The following ART3 variants were observed in gnomAD, a reference collection of about 807,000 sequenced individuals.
ART3 encodes ecto-ADP-ribosyltransferase 3.
ART3 carries 49 observed loss-of-function variants against 48.5 expected under a neutral mutation model. The ratio of observed to expected loss-of-function variants is 1.01; its 90% confidence interval spans 0.80 to 1.28. ART3 has a LOEUF of 1.28. Among genes scored for constraint, ART3 ranks in the 50% most tolerant of loss-of-function variants. ART3 has a pLI of 0.00. For missense variants in ART3, 438 were observed against 454.3 expected, an observed-to-expected ratio of 0.96 and a Z score of 0.33; for synonymous variants, 145 against 157.2, an observed-to-expected ratio of 0.92 and a Z score of 0.58.
chr4:76,023,893 A>G (rs1733124715), intron 1 of ART3, among the ~76,000 whole-genome samples: 1 of 152,226 alleles, frequency 6.6e-6, no homozygotes, highest in Non-Finnish European at 1.5e-5. Flanking sequence ...CTTTATAGGT[A>G]AACCTAATTT....
rs985982118 is a variant in ART3, at chr4:76,022,615, TTTTA to T, written c.-10+11298_-10+11301del. 20 of 1,514,572 alleles carry T rather than the reference TTTTA, an allele frequency of 1.3e-5. No individual in the cohort carries two copies. In the African/African-American group the frequency reaches 2.1e-4, roughly 16 times the overall value. 93.8% of individuals were successfully genotyped at this position (1,514,572 alleles called of 1,614,324 possible). On this transcript the variant is annotated intron_variant, in intron 1 of 9. Coordinates refer to the ART3 transcript ENST00000341029. ...CATCACAAACCCTTTACTGATCTTT[TTTTA>T]TTATCATTACATATTTAATACAGTA...
chr4:76,097,569 A>G, intron 3 of ART3, 75 bp from the exon 4 acceptor site: 1 of 1,266,710 alleles, frequency 7.9e-7, no homozygotes, highest in Non-Finnish European at 1.1e-6. Flanking sequence ...TAGGTTACCA[A>G]CAGCCATAGA....
chr4:76,047,416 G>A (rs1735611699), intron 1 of ART3, among the ~76,000 whole-genome samples: 2 of 151,914 alleles, frequency 1.3e-5, no homozygotes, highest in African/African-American at 2.4e-5. Flanking sequence ...GCTTTCTCCT[G>A]ATATCTGCGG....
intron 4 of ART3, among the ~76,000 whole-genome samples, chr4:76,098,485 A>AT (rs894194090): frequency 1.4e-4 from 21 of 151,644 alleles, no homozygotes; most frequent in Non-Finnish European, 2.7e-4. Context: ...TTTCCTGTGA[A>AT]TTTTTTTTTC....
At chr4:76,040,446 A>ACACACGCGCG (rs57015929) in intron 1 of ART3, among the ~76,000 whole-genome samples, 9 of 138,588 alleles carry the variant, frequency 6.5e-5, no homozygotes, top group African/African-American at 2.0e-4. Context: ...ATACACACAC[A>ACACACGCGCG]CACACACACA....
chr4:76,086,080 C>T (rs114636822), intron 3 of ART3, among the ~76,000 whole-genome samples: 1,940 of 151,074 alleles, frequency 0.013, 37 homozygotes, highest in African/African-American at 0.045. Flanking sequence ...GCTCCCTCCC[C>T]GCAGAAAAAC....
At chr4:76,068,970 G>A (rs1189099430) in intron 1 of ART3, among the ~76,000 whole-genome samples, 1 of 152,160 alleles carries the variant, frequency 6.6e-6, no homozygotes, top group African/African-American at 2.4e-5. Flanking sequence ...AGTTTTTATT[G>A]TGTGTACAGA....
intron 3 of ART3, among the ~76,000 whole-genome samples, chr4:76,088,567 CTTA>C (rs1451171621): frequency 4.6e-5 from 7 of 152,124 alleles, no homozygotes; most frequent in Non-Finnish European, 1.0e-4. Context: ...CCCTTGTGTG[CTTA>C]TTAAATGTTA....
At chr4:76,110,873 A>T (rs1729347157) in intron 11 of ART3, among the ~76,000 whole-genome samples, 1 of 152,186 alleles carries the variant, frequency 6.6e-6, no homozygotes, top group African/African-American at 2.4e-5. Context: ...TCATGAATGC[A>T]TAAAATATAT....
chr4:76,054,554 G>A (rs948236439), intron 1 of ART3, among the ~76,000 whole-genome samples: 6 of 152,110 alleles, frequency 3.9e-5, no homozygotes, highest in African/African-American at 9.7e-5. Context: ...TATTTAGGCT[G>A]GGCTTAGTTG....
chr4:76,014,295 C>CA (rs1201519194), intron 1 of ART3, among the ~76,000 whole-genome samples: 6 of 150,396 alleles, frequency 4.0e-5, no homozygotes, highest in African/African-American at 9.8e-5. Context: ...AAATCATGTA[C>CA]AAAAAAACAA....
intron 1 of ART3, among the ~76,000 whole-genome samples, chr4:76,050,962 G>A (rs1056339313): frequency 3.9e-5 from 6 of 152,298 alleles, no homozygotes; most frequent in South Asian, 4.1e-4. Flanking sequence ...TGCGGGGCCC[G>A]CCAAGCCCAC....
At chr4:76,086,051 A>T (rs1213557525) in intron 3 of ART3, among the ~76,000 whole-genome samples, 1 of 149,768 alleles carries the variant, frequency 6.7e-6, no homozygotes, top group Non-Finnish European at 1.5e-5. Context: ...CAGCCTGGTC[A>T]ACAAGAGTCC....
At chr4:76,074,184 C>T (rs571017069), upstream of ART3, among the ~76,000 whole-genome samples, 25 of 152,238 alleles carry the variant, frequency 1.6e-4, no homozygotes, top group South Asian at 5.2e-3. Context: ...TATCACTGGA[C>T]TTTGTCTATA....
At chr4:76,028,402 G>A (rs772126373) in intron 1 of ART3, among the ~76,000 whole-genome samples, 2 of 152,150 alleles carry the variant, frequency 1.3e-5, no homozygotes, top group Non-Finnish European at 2.9e-5. Flanking sequence ...TTTAGTTTCC[G>A]TTTCAGTCGC....
intron 3 of ART3, among the ~76,000 whole-genome samples, chr4:76,094,861 T>C (rs943682028): frequency 7.2e-5 from 11 of 152,236 alleles, no homozygotes; most frequent in Non-Finnish European, 1.3e-4. Context: ...TGAATTATCT[T>C]GGTATATTCT....
At chr4:76,035,138 A>AAT (rs397769081) in intron 1 of ART3, 1 of 1,612,882 alleles carries the variant, frequency 6.2e-7, no homozygotes. Flanking sequence ...AGAACATACA[A>AAT]GAGTCTTAAA....
intron 1 of ART3, among the ~76,000 whole-genome samples, chr4:76,040,911 C>T (rs952802812): frequency 3.7e-4 from 57 of 152,224 alleles, no homozygotes; most frequent in African/African-American, 1.3e-3. Context: ...TGTGGATACT[C>T]TCTCCTTCTA....
At chr4:76,060,668 A>G (rs1031714056) in intron 1 of ART3, among the ~76,000 whole-genome samples, 1 of 152,214 alleles carries the variant, frequency 6.6e-6, no homozygotes, top group Non-Finnish European at 1.5e-5. Context: ...CTGTAATAAC[A>G]TGGGCACTTA....
Sources: allele counts gnomAD v4.1 joint callset (sites outside exome capture counted in the v4.1 genomes callset), GRCh38; gene constraint gnomAD v4.1.1; transcripts MANE v1.5; gene names NCBI Gene and HGNC (gene_info 2026-07-23, HGNC 2026-07-21).